The following ZSWIM5 variants were observed in gnomAD, a reference collection of about 807,000 sequenced individuals.
The protein encoded by ZSWIM5 is zinc finger SWIM-type containing 5, also known as zinc finger SWIM domain-containing protein 5.
A neutral mutation model predicts 119.6 loss-of-function variants in ZSWIM5; 55 were observed. The ratio of observed to expected loss-of-function variants is 0.46; its 90% CI spans 0.37 to 0.58. ZSWIM5 has a LOEUF of 0.58. Ranked by LOEUF, ZSWIM5 falls within the 20% of genes least tolerant of loss-of-function variation. The probability of loss-of-function intolerance (pLI) is 0.00; values close to 1 mark genes in which losing one functional copy is unlikely to be tolerated. For synonymous variants in ZSWIM5, 537 were observed against 606.9 expected, an observed-to-expected ratio of 0.88 and a Z score of 1.69; for missense variants, 1,193 against 1,512.8, an observed-to-expected ratio of 0.79 and a Z score of 3.51.
In ZSWIM5 at chr1:45,058,651, T is replaced by C; in HGVS notation, c.1210A>G (p.Thr404Ala). The C allele has an allele frequency of 1.2e-6, 2 of 1,614,250 alleles. No individual in the cohort carries two copies. The highest frequency in any genetic ancestry group is 3.3e-4 in the Middle Eastern group (2 of 6,062). ...TGCCTGCACTTGTCTGTCATGTTTGTTCCTTGCTGCCTCCAGAGTGTGAGT... is the reference window on the plus strand; with the variant it reads ...TGCCTGCACTTGTCTGTCATGTTTGCTCCTTGCTGCCTCCAGAGTGTGAGT... ...PRLTLWRQQG[T>A]NMTDKCRQLW... is the part of the protein sequence containing the mutation. Residue 404 changes from threonine (T) to alanine (A), a missense_variant, in exon 4 of 14, where the codon ACA becomes GCA. Transcript: ENST00000359600.
Position 45,035,731 on chromosome 1 carries a change from G to A in ZSWIM5, c.2248C>T (p.His750Tyr), listed in dbSNP as rs1159986867. The change falls in exon 10 of 14, where the codon CAT (histidine) becomes TAT (tyrosine). Residue 750 changes from histidine (H) to tyrosine (Y), a missense_variant. Transcript: ENST00000359600. ...AKYLFSALLPHDPDLSYKLAL... is the reference protein window; with the variant it reads ...AKYLFSALLPYDPDLSYKLAL... ...AATTTATAGGACAGGTCTGGATCAT[G>A]AGGCAGCAGAGCTGAGAACAAATAC... 2 of 1,614,040 alleles carry A rather than the reference G, an allele frequency of 1.2e-6. No individual in the cohort carries two copies. The highest frequency in any genetic ancestry group is 1.7e-4 in the Middle Eastern group (1 of 6,034).
At chr1:45,197,182 C>A (rs1264638918) in intron 1 of ZSWIM5, among the ~76,000 whole-genome samples, 1 of 152,214 alleles carries the variant, frequency 6.6e-6, no homozygotes, top group Non-Finnish European at 1.5e-5. Flanking sequence ...AAAGCCAAAT[C>A]CCTTGTTCTC....
At chr1:45,201,421 G>A (rs1358649924) in intron 1 of ZSWIM5, among the ~76,000 whole-genome samples, 3 of 151,846 alleles carry the variant, frequency 2.0e-5, no homozygotes, top group African/African-American at 7.3e-5. Context: ...ATTTTCTACG[G>A]TATCATATAG....
rs1644964570 is a variant in ZSWIM5 at position 45,033,448 on chromosome 1, G to A, written c.2449+864C>T. ...GTTTCCTGGTCTAAAATATTCAGGA[G>A]CTCATGGTGGCTAGCATTTTATCAT... On this transcript the variant is annotated intron_variant, in intron 11 of 13. Coordinates refer to ENST00000359600, the MANE Select transcript of ZSWIM5 (RefSeq NM_020883.2). 1.3e-5 allele frequency among the ~76,000 whole-genome samples: 2 copies of A among 152,118 alleles called. 1 individual carries two copies. The highest frequency in any genetic ancestry group is 4.1e-4 in the South Asian group (2 of 4,828).
At chr1:45,178,087 G>A (rs1645991689) in intron 1 of ZSWIM5, among the ~76,000 whole-genome samples, 1 of 152,034 alleles carries the variant, frequency 6.6e-6, no homozygotes, top group Admixed American at 6.6e-5. Flanking sequence ...AGGGGGTTGT[G>A]AAACCAAAAC....
At chr1:45,053,630 G>C (rs1469583108) in intron 4 of ZSWIM5, among the ~76,000 whole-genome samples, 1 of 151,938 alleles carries the variant, frequency 6.6e-6, no homozygotes, top group Non-Finnish European at 1.5e-5. Flanking sequence ...AGGCATCATA[G>C]TGTGTGCCTA....
At position 45,206,577 on chromosome 1, in the gene ZSWIM5, G is replaced by C. The variant is rs1226096973; in HGVS notation, c.-227C>G. On this transcript the variant is annotated 5_prime_UTR_variant, in exon 1 of 14. Coordinates refer to ENST00000359600, the MANE Select transcript of ZSWIM5 (RefSeq NM_020883.2). ...TGCAGGGTAGCGTGAGGCGGCGCGCGGTGTCCTGGCCGCCGCGGACGCGAA... is the reference window on the plus strand; with the variant it reads ...TGCAGGGTAGCGTGAGGCGGCGCGCCGTGTCCTGGCCGCCGCGGACGCGAA... 1.2e-5 allele frequency: 12 copies of C among 983,936 alleles called. No individual in the cohort carries two copies. The highest frequency in any genetic ancestry group is 1.5e-5 in the Non-Finnish European group (12 of 827,306). The allele number at this position is 983,936 out of a possible 1,614,324, so 61.0% of individuals were successfully genotyped here.
Position 45,139,460 on chromosome 1 carries a change from C to T in ZSWIM5, c.596-51223G>A, listed in dbSNP as rs376150364. On this transcript the variant is annotated intron_variant, in intron 1 of 13. Transcript: ENST00000359600. ...TCCCTCCTCTCTCCCTCCCCTCTCCCTCCCTCTCTCTCTCTTTTTTTTTTT... is the reference window on the plus strand; with the variant it reads ...TCCCTCCTCTCTCCCTCCCCTCTCCTTCCCTCTCTCTCTCTTTTTTTTTTT... Among the ~76,000 whole-genome samples, 3 of 143,748 alleles carry T rather than the reference C, an allele frequency of 2.1e-5. No individual in the cohort carries two copies. The East Asian group carries it at 6.0e-4, about 29-fold the overall frequency. The allele number at this position is 143,748 out of a possible 152,430, so 94.3% of individuals were successfully genotyped here.
chr1:45,018,298 A>G lies in ZSWIM5; in HGVS notation c.*156T>C. 2 of 901,812 alleles carry G rather than the reference A, an allele frequency of 2.2e-6. No individual in the cohort carries two copies. Among genetic ancestry groups the G allele is most frequent in the Non-Finnish European group, 3.3e-6 (2 of 607,998 alleles). 55.9% of individuals were successfully genotyped at this position (901,812 alleles called of 1,614,324 possible). A position where few individuals can be genotyped will look rare whatever the true frequency, so the allele number is the denominator to read the frequency against. On this transcript the variant is annotated 3_prime_UTR_variant, in exon 14 of 14. Coordinates refer to ENST00000359600, the MANE Select transcript of ZSWIM5 (RefSeq NM_020883.2). The surrounding 1 kb of genome is among the most constrained non-coding windows in gnomAD (Gnocchi z 6.7). ...CTTGCCAAGGTAGGCATTATCGACT[A>G]GAGCTGGACTTTCCCCATCCTTAGC... is the stretch of plus-strand genomic sequence containing the variant.
At chr1:45,095,124 T>A in intron 1 of ZSWIM5, among the ~76,000 whole-genome samples, 1 of 143,202 alleles carries the variant, frequency 7.0e-6, no homozygotes. Context: ...CAGATTTCCA[T>A]AATTAACTTT....
chr1:45,081,953 A>G (rs1224956164), intron 2 of ZSWIM5, among the ~76,000 whole-genome samples: 3 of 151,516 alleles, frequency 2.0e-5, no homozygotes, highest in African/African-American at 7.3e-5. Context: ...AGAAGTAGAC[A>G]TGGGAGACTT....
At chr1:45,105,084 T>A (rs1169558259) in intron 1 of ZSWIM5, among the ~76,000 whole-genome samples, 1 of 152,034 alleles carries the variant, frequency 6.6e-6, no homozygotes, top group Non-Finnish European at 1.5e-5. Flanking sequence ...GCCGAGTGCC[T>A]GGGATGCCAG....
intron 11 of ZSWIM5, among the ~76,000 whole-genome samples, chr1:45,031,322 G>A (rs1000788245): frequency 6.6e-6 from 1 of 150,956 alleles, no homozygotes; most frequent in Non-Finnish European, 1.5e-5. Context: ...GATTATAGGC[G>A]CATGCCACCA....
intron 1 of ZSWIM5, among the ~76,000 whole-genome samples, chr1:45,118,063 A>C (rs1417575325): frequency 6.6e-6 from 1 of 152,096 alleles, no homozygotes; most frequent in Non-Finnish European, 1.5e-5. Context: ...AGATCATGCC[A>C]CTGCACTCCA....
chr1:45,026,531 C>A (rs1199524557), intron 11 of ZSWIM5, among the ~76,000 whole-genome samples: 1 of 152,058 alleles, frequency 6.6e-6, no homozygotes, highest in Non-Finnish European at 1.5e-5. Flanking sequence ...GGATTCCATT[C>A]ATTGATTTTC....
intron 11 of ZSWIM5, among the ~76,000 whole-genome samples, chr1:45,022,433 A>G (rs1404146690): frequency 2.6e-5 from 4 of 152,180 alleles, no homozygotes; most frequent in Non-Finnish European, 2.9e-5. Context: ...CCTGACCTCT[A>G]TGATTCTATT....
chr1:45,139,434 TTCCCTCCTCTCTCCC>T (rs1645712889), intron 1 of ZSWIM5, among the ~76,000 whole-genome samples: 1 of 134,994 alleles, frequency 7.4e-6, no homozygotes, highest in Non-Finnish European at 1.6e-5. Context: ...CCCTCTCTCC[TTCCCTCCTCTCTCCC>T]TCCCCTCTCC....
intron 1 of ZSWIM5, among the ~76,000 whole-genome samples, chr1:45,106,014 C>T (rs1308012494): frequency 1.2e-4 from 17 of 144,346 alleles, no homozygotes; most frequent in Admixed American, 4.8e-4. Flanking sequence ...TCTGCCCGGC[C>T]GCCCCGTCTG....
chr1:45,059,225 T>G (rs112167065), intron 3 of ZSWIM5, among the ~76,000 whole-genome samples: 2,830 of 152,156 alleles, frequency 0.019, 91 homozygotes, highest in African/African-American at 0.065. Flanking sequence ...AGCCAAAAGG[T>G]AGAAACAACT....
Sources: allele counts gnomAD v4.1 joint callset (sites outside exome capture counted in the v4.1 genomes callset), GRCh38; gene constraint gnomAD v4.1.1; non-coding constraint Gnocchi (gnomAD v3.1); transcripts MANE v1.5; gene names NCBI Gene and HGNC (gene_info 2026-07-23, HGNC 2026-07-21).